DEPDC5: variants seen among roughly 807,000 people sequenced by gnomAD.
DEPDC5 encodes GATOR1 complex protein DEPDC5.
In DEPDC5, 73 loss-of-function variants were observed where a neutral mutation model predicts 217.3. That is an observed-to-expected ratio of 0.34 (90% CI 0.28 to 0.41). The LOEUF (loss-of-function observed/expected upper bound fraction) is 0.41, where lower values mean the gene tolerates loss of function less well. Ranked by LOEUF, DEPDC5 falls within the 10% of genes least tolerant of loss-of-function variation. The pLI, the probability that DEPDC5 is intolerant of heterozygous loss-of-function variation, is 1.00. For missense variants in DEPDC5, 1,675 were observed against 2,070.1 expected, an observed-to-expected ratio of 0.81 and a Z score of 3.70; for synonymous variants, 733 against 756.7, an observed-to-expected ratio of 0.97 and a Z score of 0.51.
At chr22:31,821,717 G>T in intron 23 of DEPDC5, 80 bp downstream of exon 23, 1 of 1,555,284 alleles carries the variant, frequency 6.4e-7, no homozygotes, top group South Asian at 1.2e-5. Flanking sequence ...ACAGACTATT[G>T]ACAAAATGTT....
Position 31,906,275 on chromosome 22 carries a change from C to T in DEPDC5, c.4590C>T (p.Ser1530=). ...GGCAGCAGCGGCGGCGGCGGAACTC[C>T]ACCAGCTCCACCAACCAGAACATGT... The part of the protein sequence containing the change: ...FSGQQRRRRN[S]TSSTNQNMFC... The change falls in exon 43 of 43, where the codon TCC becomes TCT. Residue 1530 remains serine, a synonymous_variant. Transcript: ENST00000651528. This position sits in a 1 kb window ranked among gnomAD's most constrained non-coding sequence, Gnocchi z 5.1. The T allele has an allele frequency of 6.2e-7, 1 of 1,613,916 alleles. No homozygotes were observed.
chr22:31,852,702 T>C (rs1436602669), intron 31 of DEPDC5, among the ~76,000 whole-genome samples: 1 of 152,244 alleles, frequency 6.6e-6, no homozygotes, highest in African/African-American at 2.4e-5. Flanking sequence ...TTTCAGAATG[T>C]ACCTCGGAAA....
At chr22:31,774,101 CAA>C (rs892798132) in intron 7 of DEPDC5, among the ~76,000 whole-genome samples, 1 of 151,754 alleles carries the variant, frequency 6.6e-6, no homozygotes, top group African/African-American at 2.4e-5. Context: ...ACAACAACAA[CAA>C]AAAATATATA....
rs373550815 is a variant in DEPDC5, at chr22:31,787,814, TA to T, written c.624+2955del. On this transcript the variant is annotated intron_variant, in intron 10 of 42. Transcript: ENST00000651528. ...AGGACAGAGCAAGACCCTGTCTCTT[TA>T]AAAAAAAAAAAAAAAGAAGAAGAAA... Among the ~76,000 whole-genome samples the T allele has an allele frequency of 8.6e-3, 1,097 of 127,304 alleles. 4 individuals are homozygous for T. Among genetic ancestry groups the T allele is most frequent in the African/African-American group, 0.016 (569 of 34,506 alleles). 83.5% of individuals were successfully genotyped at this position (127,304 alleles called of 152,430 possible). A position where few individuals can be genotyped will look rare whatever the true frequency, so the allele number is the denominator to read the frequency against.
intron 38 of DEPDC5, among the ~76,000 whole-genome samples, chr22:31,889,539 TTC>T (rs369825675): frequency 4.7e-5 from 7 of 147,918 alleles, no homozygotes; most frequent in African/African-American, 1.7e-4. Flanking sequence ...AGGGCAAAAC[TTC>T]TTTTTTTTTT....
intron 7 of DEPDC5, among the ~76,000 whole-genome samples, chr22:31,771,438 A>T (rs2083342634): frequency 6.6e-6 from 1 of 152,028 alleles, no homozygotes; most frequent in East Asian, 1.9e-4. Context: ...AGTAATTTTT[A>T]AAAAATTGCT....
At chr22:31,844,974 C>G in intron 29 of DEPDC5, 44 bp from the exon 30 acceptor site, 1 of 1,600,494 alleles carries the variant, frequency 6.2e-7, no homozygotes, top group South Asian at 1.1e-5. Flanking sequence ...CTTTCATTAT[C>G]TCCTTTCTCT....
intron 20 of DEPDC5, among the ~76,000 whole-genome samples, chr22:31,812,412 C>G (rs1044000063): frequency 6.8e-6 from 1 of 147,090 alleles, no homozygotes; most frequent in African/African-American, 2.5e-5. Context: ...AATCAATTTT[C>G]CATATTTCTT....
chr22:31,798,160 C>T (rs530879999), intron 13 of DEPDC5, among the ~76,000 whole-genome samples: 31 of 152,146 alleles, frequency 2.0e-4, no homozygotes, highest in African/African-American at 6.3e-4. Flanking sequence ...TCGTCTTAAG[C>T]GATCTTCCTG....
At chr22:31,807,540 C>T (rs892592084) in intron 18 of DEPDC5, among the ~76,000 whole-genome samples, 6 of 152,070 alleles carry the variant, frequency 3.9e-5, no homozygotes, top group Admixed American at 3.9e-4. Flanking sequence ...CAAGCAATTC[C>T]TGTGCCCTAG....
In DEPDC5 at chr22:31,906,626, T is replaced by TTTTGTTTG. The variant is rs372204274; in HGVS notation, c.*153_*160dup. The TTTTGTTTG allele has an allele frequency of 3.7e-5, 44 of 1,198,764 alleles. No individual in the cohort carries two copies. The East Asian group carries it at 4.0e-4, about 11-fold the overall frequency. The allele number at this position is 1,198,764 out of a possible 1,614,324, so 74.3% of individuals were successfully genotyped here. ...CTATCAGTGAGTGGGGGCCATTGTT[T>TTTTGTTTG]TTTGTTTGTTTGTTTGTTTGTTTGT... On this transcript the variant is annotated 3_prime_UTR_variant, in exon 43 of 43. Coordinates refer to ENST00000651528, the MANE Select transcript of DEPDC5 (RefSeq NM_001242896.3). The surrounding 1 kb of genome is among the most constrained non-coding windows in gnomAD (Gnocchi z 5.1).
intron 39 of DEPDC5, chr22:31,894,886 C>T: frequency 6.7e-6 from 1 of 150,098 alleles, no homozygotes; most frequent in South Asian, 2.1e-4. Flanking sequence ...GGAGCAGTGG[C>T]TCACGCCTGT....
In DEPDC5 at chr22:31,906,513, G is replaced by GT; in HGVS notation, c.*17dup. ...TGCCCCGTGAGGCCAGGCTGCACCT[G>GT]TGCTGGGGGAAGGTGGGTGAGCCAC... is the stretch of plus-strand genomic sequence containing the variant. On this transcript the variant is annotated 3_prime_UTR_variant, in exon 43 of 43. Coordinates refer to ENST00000651528, the MANE Select transcript of DEPDC5 (RefSeq NM_001242896.3). This position sits in a 1 kb window ranked among gnomAD's most constrained non-coding sequence, Gnocchi z 5.1. 6.2e-7 allele frequency: 1 copy of GT among 1,610,544 alleles called. No homozygotes were observed. Among genetic ancestry groups the GT allele is most frequent in the Non-Finnish European group, 8.5e-7 (1 of 1,177,572 alleles).
Position 31,906,509 on chromosome 22 carries a change from A to G in DEPDC5, c.*12A>G, listed in dbSNP as rs572615920. ...CCAGTGCCCCGTGAGGCCAGGCTGC[A>G]CCTGTGCTGGGGGAAGGTGGGTGAG... On this transcript the variant is annotated 3_prime_UTR_variant, in exon 43 of 43. Coordinates refer to ENST00000651528, the MANE Select transcript of DEPDC5 (RefSeq NM_001242896.3). This position sits in a 1 kb window ranked among gnomAD's most constrained non-coding sequence, Gnocchi z 5.1. 4.3e-6 allele frequency: 7 copies of G among 1,611,988 alleles called. No individual in the cohort carries two copies. The highest frequency in any genetic ancestry group is 2.2e-5 in the East Asian group (1 of 44,850).
intron 38 of DEPDC5, among the ~76,000 whole-genome samples, chr22:31,883,460 GT>G (rs1319085558): frequency 1.3e-5 from 2 of 152,152 alleles, no homozygotes; most frequent in Non-Finnish European, 1.5e-5. Flanking sequence ...TCTTTCACTG[GT>G]GCCAGTGGTG....
intron 18 of DEPDC5, 137 bp from the exon 19 acceptor site, chr22:31,809,474 A>G (rs900143859): frequency 4.6e-5 from 38 of 818,026 alleles, no homozygotes; most frequent in Middle Eastern, 4.6e-4. Flanking sequence ...CGTGGTAGGT[A>G]GGTGTCAGAT....
chr22:31,906,251 G>A lies in DEPDC5; in HGVS notation c.4566G>A (p.Gly1522=). 1 of 1,613,984 alleles carries A rather than the reference G, an allele frequency of 6.2e-7. No individual in the cohort carries two copies. The highest frequency in any genetic ancestry group is 8.5e-7 in the Non-Finnish European group (1 of 1,179,978). Residue 1522 remains glycine (G), a synonymous_variant, in exon 43 of 43, where the codon GGG becomes GGA. Transcript: ENST00000651528. The surrounding 1 kb of genome is among the most constrained non-coding windows in gnomAD (Gnocchi z 5.1). ...CCTACTCCAAGCGCAAGTTCTCAGG[G>A]CAGCAGCGGCGGCGGCGGAACTCCA... is the stretch of plus-strand genomic sequence containing the variant. The part of the protein sequence containing the change: ...QLPYSKRKFS[G]QQRRRRNSTS...
intron 18 of DEPDC5, 30 bp downstream of exon 18, chr22:31,806,221 CTTA>C (rs1171052033): frequency 6.3e-7 from 1 of 1,588,704 alleles, no homozygotes; most frequent in African/African-American, 1.3e-5. Context: ...AAGACGGGGT[CTTA>C]TTATGTGGTC....
chr22:31,876,114 A>G, intron 36 of DEPDC5, 43 bp from the exon 37 acceptor site: 1 of 1,590,086 alleles, frequency 6.3e-7, no homozygotes, highest in Non-Finnish European at 8.6e-7. Context: ...CCCCTTCAAG[A>G]TGCCTCTCTG....
Sources: allele counts gnomAD v4.1 joint callset (sites outside exome capture counted in the v4.1 genomes callset), GRCh38; gene constraint gnomAD v4.1.1; non-coding constraint Gnocchi (gnomAD v3.1); transcripts MANE v1.5; gene names NCBI Gene and HGNC (gene_info 2026-07-23, HGNC 2026-07-21).